The following CALN1 variants were observed in gnomAD, a reference collection of about 807,000 sequenced individuals.
CALN1 encodes calcium-binding protein 8.
A neutral mutation model predicts 30.6 loss-of-function variants in CALN1; 17 were observed. The ratio of observed to expected loss-of-function variants is 0.56; its 90% confidence interval spans 0.38 to 0.83. The LOEUF (loss-of-function observed/expected upper bound fraction) is 0.83, where lower values mean the gene tolerates loss of function less well. CALN1 is among the 40% of genes least tolerant of loss of function. The pLI, the probability that CALN1 is intolerant of heterozygous loss-of-function variation, is 0.00. For synonymous variants in CALN1, 156 were observed against 131.4 expected (o/e 1.19, Z -1.28); for missense variants, 291 against 354.9 (o/e 0.82, Z 1.45).
chr7:72,288,315 A>G (rs1452365100), intron 2 of CALN1, among the ~76,000 whole-genome samples: 1 of 152,168 alleles, frequency 6.6e-6, no homozygotes. Flanking sequence ...GGGTCTCTCC[A>G]TAGGGCTTCT....
intron 2 of CALN1, among the ~76,000 whole-genome samples, chr7:72,295,467 T>A (rs1798787467): frequency 6.6e-6 from 1 of 151,946 alleles, no homozygotes; most frequent in African/African-American, 2.4e-5. Context: ...ATGGCCATTT[T>A]CACGATATTG....
At chr7:72,085,599 T>C (rs919443967) in intron 4 of CALN1, among the ~76,000 whole-genome samples, 1 of 152,208 alleles carries the variant, frequency 6.6e-6, no homozygotes, top group East Asian at 1.9e-4. Context: ...GGGGTTATTA[T>C]ATTAAGACAT....
the CALN1 span, among the ~76,000 whole-genome samples, chr7:72,482,557 C>A: frequency 1.3e-5 from 2 of 151,902 alleles, no homozygotes; most frequent in Non-Finnish European, 2.9e-5. Context: ...TAGAATATTT[C>A]TTTATGACAG....
intron 4 of CALN1, among the ~76,000 whole-genome samples, chr7:72,034,089 C>A (rs1801627633): frequency 6.6e-6 from 1 of 152,122 alleles, no homozygotes; most frequent in Non-Finnish European, 1.5e-5. Flanking sequence ...TGCGGTGGCT[C>A]ACGCCTGTAA....
In CALN1 at chr7:72,276,061, G is replaced by A. The variant is rs534747532; in HGVS notation, c.244+2625C>T. On this transcript the variant is annotated intron_variant, in intron 3 of 6. Coordinates refer to ENST00000395275, the MANE Select transcript of CALN1 (RefSeq NM_031468.4). ...GGGAAGGAGGAAGGGGGGAGAATAT[G>A]GAAAGCCACAGATGATTCCAAACTC... 3.9e-5 allele frequency among the ~76,000 whole-genome samples: 6 copies of A among 152,292 alleles called. No individual in the cohort carries two copies. In the South Asian group the frequency reaches 1.0e-3, roughly 26 times the overall value.
chr7:72,110,125 A>C (rs1807459376), intron 3 of CALN1, among the ~76,000 whole-genome samples: 1 of 152,156 alleles, frequency 6.6e-6, no homozygotes, highest in Non-Finnish European at 1.5e-5. Flanking sequence ...ATGGCTGGAC[A>C]GGGTGGGTCC....
chr7:71,846,880 TAC>T (rs894975713), intron 5 of CALN1, among the ~76,000 whole-genome samples: 32 of 146,756 alleles, frequency 2.2e-4, no homozygotes, highest in Admixed American at 5.5e-4. Flanking sequence ...ATATAATATA[TAC>T]ACACATATAT....
chr7:72,249,923 T>C (rs1259887781), intron 3 of CALN1, among the ~76,000 whole-genome samples: 1 of 127,960 alleles, frequency 7.8e-6, no homozygotes, highest in East Asian at 2.3e-4. Flanking sequence ...GGTGACAGAG[T>C]GAGACCCTAT....
At chr7:72,030,726 G>T (rs746125537) in intron 4 of CALN1, among the ~76,000 whole-genome samples, 7 of 152,038 alleles carry the variant, frequency 4.6e-5, no homozygotes, top group African/African-American at 9.7e-5. Context: ...GGTGGACATG[G>T]TTTTTTAAAA....
chr7:72,439,587 T>TA (rs1562969366), intron 1 of CALN1, among the ~76,000 whole-genome samples: 1 of 151,738 alleles, frequency 6.6e-6, no homozygotes, highest in Non-Finnish European at 1.5e-5. Context: ...TTATTCTTTT[T>TA]TTTTTTTTGA....
At chr7:71,918,204 A>T (rs940756118) in intron 5 of CALN1, among the ~76,000 whole-genome samples, 1 of 152,010 alleles carries the variant, frequency 6.6e-6, no homozygotes, top group Non-Finnish European at 1.5e-5. Flanking sequence ...GTACACACAC[A>T]TGTGTGCTGC....
Position 72,128,615 on chromosome 7 carries a change from A to T in CALN1, c.245-22321T>A, listed in dbSNP as rs918706832. ...GCCAGGTGCAGTGGCTCATGCCTGT[A>T]ATCCCAGCACTTTGAAAGGCTGAGG... is the stretch of plus-strand genomic sequence containing the variant. On this transcript the variant is annotated intron_variant, in intron 3 of 6. Transcript: ENST00000395275. Among the ~76,000 whole-genome samples the T allele has an allele frequency of 6.6e-5, 10 of 152,254 alleles. 1 individual carries two copies. Among genetic ancestry groups the T allele is most frequent in the South Asian group, 4.1e-4 (2 of 4,836 alleles).
chr7:72,110,828 C>G (rs920120960), intron 3 of CALN1, among the ~76,000 whole-genome samples: 3 of 151,928 alleles, frequency 2.0e-5, no homozygotes, highest in Admixed American at 2.0e-4. Flanking sequence ...TGATGTGTGC[C>G]TCATTTTATT....
intron 3 of CALN1, among the ~76,000 whole-genome samples, chr7:72,272,104 C>T (rs1234145309): frequency 1.3e-5 from 2 of 151,342 alleles, no homozygotes; most frequent in Non-Finnish European, 2.9e-5. Context: ...AATAGGGGCT[C>T]CTAGAGAAAA....
chr7:72,381,609 C>T (rs550909360), intron 2 of CALN1, among the ~76,000 whole-genome samples: 22 of 152,252 alleles, frequency 1.4e-4, no homozygotes, highest in South Asian at 4.2e-4. Context: ...AACAGAAACC[C>T]GAACACCCCG....
chr7:72,471,785 T>A, the CALN1 span, among the ~76,000 whole-genome samples: 6 of 152,108 alleles, frequency 3.9e-5, no homozygotes, highest in Non-Finnish European at 8.8e-5. Context: ...ACGTGGGGCG[T>A]CACAATGGGG....
intron 2 of CALN1, among the ~76,000 whole-genome samples, chr7:72,328,339 C>A (rs1801427459): frequency 6.6e-6 from 1 of 152,136 alleles, no homozygotes; most frequent in Admixed American, 6.5e-5. Context: ...GTGAATAAGT[C>A]TGATGAGATT....
intron 5 of CALN1, among the ~76,000 whole-genome samples, chr7:71,823,435 T>C (rs1788709553): frequency 6.6e-6 from 1 of 152,188 alleles, no homozygotes; most frequent in Non-Finnish European, 1.5e-5. Context: ...AAACAGAGGC[T>C]TGGGCCGGGA....
At chr7:72,144,118 C>G (rs1810168190) in intron 3 of CALN1, among the ~76,000 whole-genome samples, 1 of 152,144 alleles carries the variant, frequency 6.6e-6, no homozygotes, top group Non-Finnish European at 1.5e-5. Flanking sequence ...CAGATTCACA[C>G]ATAACAATAT....
Sources: gnomAD v4.1 joint callset for allele counts (sites outside exome capture counted in the v4.1 genomes callset) on GRCh38, gnomAD v4.1.1 for gene constraint, MANE v1.5 for transcripts, NCBI Gene and HGNC (gene_info 2026-07-23, HGNC 2026-07-21) for gene names.